Variants in BTBD9 observed in about 807,000 individuals in gnomAD.
The protein encoded by BTBD9 is BTB/POZ domain-containing protein 9.
A neutral mutation model predicts 64.3 loss-of-function variants in BTBD9; 49 were observed. That is an observed-to-expected ratio of 0.76 (90% CI 0.61 to 0.97). The LOEUF is 0.97. BTBD9 is among the 50% of genes least tolerant of loss of function. The pLI, the probability that BTBD9 is intolerant of heterozygous loss-of-function variation, is 0.00. For missense variants in BTBD9, 598 were observed against 762.1 expected (o/e 0.78, Z 2.53); for synonymous variants, 260 against 274.7 (o/e 0.95, Z 0.53).
intron 9 of BTBD9, among the ~76,000 whole-genome samples, chr6:38,201,884 G>A (rs35918323): frequency 0.36 from 55,063 of 151,896 alleles, 10,758 homozygotes; most frequent in Non-Finnish European, 0.44. Context: ...ATTTAACCAA[G>A]GAGGTGGAAA....
intron 6 of BTBD9, among the ~76,000 whole-genome samples, chr6:38,530,478 A>G (rs1773746153): frequency 6.6e-6 from 1 of 152,094 alleles, no homozygotes; most frequent in African/African-American, 2.4e-5. Context: ...TCACGGTCCT[A>G]CTGATATGTG....
chr6:38,290,468 G>C (rs1761914404), intron 7 of BTBD9, among the ~76,000 whole-genome samples: 1 of 151,984 alleles, frequency 6.6e-6, no homozygotes, highest in Non-Finnish European at 1.5e-5. Flanking sequence ...ACATAACACT[G>C]TAGACAGGTT....
chr6:38,267,939 C>CA (rs1249856543), intron 8 of BTBD9, among the ~76,000 whole-genome samples: 1 of 151,818 alleles, frequency 6.6e-6, no homozygotes, highest in Non-Finnish European at 1.5e-5. Context: ...GACTCCGTCT[C>CA]AAAAAACAAA....
chr6:38,633,584 G>A (rs148993751), intron 1 of BTBD9, among the ~76,000 whole-genome samples: 10 of 152,208 alleles, frequency 6.6e-5, no homozygotes, highest in Non-Finnish European at 1.2e-4. Context: ...AGATGCAAAG[G>A]CAGCCCAGGA....
At chr6:38,412,391 C>A (rs1029493173) in intron 6 of BTBD9, among the ~76,000 whole-genome samples, 4 of 151,920 alleles carry the variant, frequency 2.6e-5, no homozygotes, top group Non-Finnish European at 5.9e-5. Context: ...AAGCTCTCAC[C>A]AACTAGATCT....
intron 4 of BTBD9, among the ~76,000 whole-genome samples, chr6:38,586,041 T>C (rs906217712): frequency 6.6e-6 from 1 of 151,994 alleles, no homozygotes; most frequent in African/African-American, 2.4e-5. Context: ...TGACTTTTTA[T>C]TCAATAAAGA....
In BTBD9 at chr6:38,175,349, A is replaced by G. The variant is rs181346763; in HGVS notation, c.1642-167T>C. 2.4e-4 allele frequency among the ~76,000 whole-genome samples: 36 copies of G among 152,324 alleles called. 1 individual carries two copies. The highest frequency in any genetic ancestry group is 8.4e-4 in the African/African-American group (35 of 41,578). On this transcript the variant is annotated intron_variant, in intron 10 of 10. Coordinates refer to ENST00000481247, the MANE Select transcript of BTBD9 (RefSeq NM_001099272.2). ...GCCCCGGCGCAGACACCTGATGGCA[A>G]CTAGCATGCTGTAAACACATTTTGA...
rs1441930883 is a variant in BTBD9 at position 38,335,165 on chromosome 6, C to A, written c.1264+9819G>T. Among the ~76,000 whole-genome samples the A allele has an allele frequency of 1.3e-5, 2 of 152,146 alleles. 1 individual carries two copies. Among genetic ancestry groups the A allele is most frequent in the East Asian group, 3.8e-4 (2 of 5,206 alleles). On this transcript the variant is annotated intron_variant, in intron 7 of 10. Transcript: ENST00000481247. ...ATGTAAGTTTCCTGAGGCCTCTCCC[C>A]AGCCATGCACAACTGTGAATCAATT...
At chr6:38,512,780 C>A (rs1340696631) in intron 6 of BTBD9, among the ~76,000 whole-genome samples, 1 of 152,052 alleles carries the variant, frequency 6.6e-6, no homozygotes, top group South Asian at 2.1e-4. Context: ...TATTACAAAC[C>A]ATTCTTTATA....
intron 6 of BTBD9, among the ~76,000 whole-genome samples, chr6:38,417,680 G>A (rs1329410083): frequency 6.6e-6 from 1 of 151,956 alleles, no homozygotes; most frequent in Admixed American, 6.6e-5. Flanking sequence ...GGCTGAGGTG[G>A]GAGGATCACT....
At chr6:38,257,064 T>C (rs898778859) in intron 8 of BTBD9, among the ~76,000 whole-genome samples, 3 of 124,058 alleles carry the variant, frequency 2.4e-5, no homozygotes, top group Non-Finnish European at 5.1e-5. Context: ...TGCACACTTC[T>C]TTTTTTTTTT....
chr6:38,532,915 C>A (rs1773860610), intron 6 of BTBD9, among the ~76,000 whole-genome samples: 1 of 151,694 alleles, frequency 6.6e-6, no homozygotes, highest in Non-Finnish European at 1.5e-5. Context: ...CACTTAAGTA[C>A]CACCTTGGCC....
At chr6:38,265,435 A>G (rs73412520) in intron 8 of BTBD9, among the ~76,000 whole-genome samples, 1,668 of 152,152 alleles carry the variant, frequency 0.011, 33 homozygotes, top group African/African-American at 0.038. Context: ...CCTGGAGGAT[A>G]TAACTGTGGA....
chr6:38,247,803 T>C (rs969010371), intron 9 of BTBD9, among the ~76,000 whole-genome samples: 35 of 152,370 alleles, frequency 2.3e-4, no homozygotes, highest in African/African-American at 8.4e-4. Flanking sequence ...TGCTGGGATA[T>C]TGCTATGTAT....
chr6:38,521,858 A>G (rs973223789), intron 6 of BTBD9, among the ~76,000 whole-genome samples: 2 of 152,096 alleles, frequency 1.3e-5, no homozygotes, highest in Non-Finnish European at 2.9e-5. Context: ...TATTTTTAGT[A>G]GAGACCAGGT....
intron 6 of BTBD9, among the ~76,000 whole-genome samples, chr6:38,521,225 A>G (rs751228329): frequency 6.6e-6 from 1 of 152,156 alleles, no homozygotes; most frequent in Admixed American, 6.5e-5. Flanking sequence ...AGGGAAAATC[A>G]GTTAATCTTT....
chr6:38,467,862 T>C (rs1770467994), intron 6 of BTBD9, among the ~76,000 whole-genome samples: 2 of 152,204 alleles, frequency 1.3e-5, no homozygotes, highest in East Asian at 1.9e-4. Flanking sequence ...CAAAATGTCA[T>C]TCAAATCTGA....
intron 6 of BTBD9, among the ~76,000 whole-genome samples, chr6:38,371,081 G>A (rs192564227): frequency 1.5e-4 from 23 of 152,184 alleles, no homozygotes; most frequent in African/African-American, 5.5e-4. Context: ...TATCATCCAG[G>A]ACTTATCACA....
At chr6:38,209,409 C>T (rs576004394) in intron 9 of BTBD9, among the ~76,000 whole-genome samples, 28 of 152,304 alleles carry the variant, frequency 1.8e-4, no homozygotes, top group African/African-American at 6.0e-4. Context: ...TTCTTGGCCT[C>T]GAGACAGGTA....
Sources: gnomAD v4.1 joint callset for allele counts (sites outside exome capture counted in the v4.1 genomes callset) on GRCh38, gnomAD v4.1.1 for gene constraint, MANE v1.5 for transcripts, NCBI Gene and HGNC (gene_info 2026-07-23, HGNC 2026-07-21) for gene names.